Variants in SYN3 observed in about 807,000 individuals in gnomAD.
SYN3 encodes synapsin-3.
A neutral mutation model predicts 65.8 loss-of-function variants in SYN3; 35 were observed. That is an observed-to-expected ratio of 0.53 (90% CI 0.41 to 0.70). The LOEUF (loss-of-function observed/expected upper bound fraction) is 0.70. Among genes scored for constraint, SYN3 ranks in the 30% least tolerant of loss-of-function variants. The pLI is 0.00. For synonymous variants in SYN3, 270 were observed against 292.9 expected (o/e 0.92, Z 0.80); for missense variants, 680 against 749.0 (o/e 0.91, Z 1.08).
chr22:32,931,246 A>T, intron 4 of SYN3, 144 bp downstream of exon 4: 1 of 621,662 alleles, frequency 1.6e-6, no homozygotes, highest in Non-Finnish European at 3.0e-6. Context: ...TACTACTGCA[A>T]CCACACCTGG....
intron 6 of SYN3, among the ~76,000 whole-genome samples, chr22:32,643,503 A>T (rs2146898911): frequency 7.6e-6 from 1 of 130,798 alleles, no homozygotes; most frequent in Admixed American, 8.8e-5. Flanking sequence ...CCTTGAAATC[A>T]CTGTAAGAGA....
intron 4 of SYN3, among the ~76,000 whole-genome samples, chr22:32,898,322 C>T (rs891828276): frequency 7.2e-5 from 11 of 151,762 alleles, no homozygotes; most frequent in South Asian, 4.2e-4. Context: ...TTTGTAGAGA[C>T]GGGGTTTCAC....
intron 6 of SYN3, among the ~76,000 whole-genome samples, chr22:32,764,709 GC>G (rs1330365263): frequency 4.6e-5 from 7 of 152,242 alleles, no homozygotes; most frequent in African/African-American, 1.7e-4. Flanking sequence ...GGAATTAGGG[GC>G]ATTTAAAACT....
At chr22:32,576,109 C>G (rs145651569) in intron 7 of SYN3, among the ~76,000 whole-genome samples, 1 of 152,270 alleles carries the variant, frequency 6.6e-6, no homozygotes, top group East Asian at 1.9e-4. Context: ...AAGCAATGGC[C>G]TGAGTATGGT....
chr22:32,647,468 A>T (rs1395867280), intron 6 of SYN3, among the ~76,000 whole-genome samples: 2 of 140,520 alleles, frequency 1.4e-5, no homozygotes, highest in Non-Finnish European at 3.1e-5. Context: ...TTTTTTTGAG[A>T]CAGGGTCTCA....
chr22:32,848,164 A>C (rs1215879929), intron 6 of SYN3, among the ~76,000 whole-genome samples: 1 of 152,250 alleles, frequency 6.6e-6, no homozygotes, highest in East Asian at 1.9e-4. Flanking sequence ...AGAATCTAAA[A>C]GTCAAGTCCT....
At chr22:32,963,748 G>A (rs1471262755) in intron 3 of SYN3, among the ~76,000 whole-genome samples, 1 of 152,150 alleles carries the variant, frequency 6.6e-6, no homozygotes, top group Non-Finnish European at 1.5e-5. Flanking sequence ...GGGCCCTGGT[G>A]CTGCCTAAAG....
rs183659316 is a variant in SYN3 at position 32,597,489 on chromosome 22, T to G, written c.712-753A>C. Reference sequence around the variant, plus strand: ...CCTCTGCCTCCTGAAGTGCTGGGGTTACAGGTGTGAGCCACCGCGCCTGGC... The same window carrying G: ...CCTCTGCCTCCTGAAGTGCTGGGGTGACAGGTGTGAGCCACCGCGCCTGGC... On this transcript the variant is annotated intron_variant, in intron 6 of 13. Transcript: ENST00000358763. 5.0e-3 allele frequency among the ~76,000 whole-genome samples: 760 copies of G among 152,218 alleles called. 6 individuals carry two copies. The highest frequency in any genetic ancestry group is 0.017 in the African/African-American group (721 of 41,552).
chr22:32,990,403 T>TCCAGCCAG (rs747100410), intron 2 of SYN3, among the ~76,000 whole-genome samples: 2 of 86,538 alleles, frequency 2.3e-5, no homozygotes, highest in Non-Finnish European at 5.2e-5. Context: ...CATCCATCCA[T>TCCAGCCAG]CCAGCCATCC....
rs928373862 is a variant in SYN3, at chr22:32,542,831, T to C, written c.775-1118A>G. On this transcript the variant is annotated intron_variant, in intron 7 of 13. Coordinates refer to ENST00000358763, the MANE Select transcript of SYN3 (RefSeq NM_003490.4). Reference sequence around the variant, plus strand: ...AGAGGACGAGGCCAAGGCTCTATGATAGTGATCTTAAGACAGAACAGAGGC... The same window carrying C: ...AGAGGACGAGGCCAAGGCTCTATGACAGTGATCTTAAGACAGAACAGAGGC... 3.3e-5 allele frequency among the ~76,000 whole-genome samples: 5 copies of C among 151,806 alleles called. No individual in the cohort carries two copies. In the South Asian group the frequency reaches 6.2e-4, roughly 19 times the overall value.
chr22:32,585,886 G>T (rs193036689), intron 7 of SYN3, among the ~76,000 whole-genome samples: 1 of 148,354 alleles, frequency 6.7e-6, no homozygotes. Flanking sequence ...ACATATATAC[G>T]TATATATACG....
At chr22:32,948,592 C>T (rs578163948) in intron 3 of SYN3, among the ~76,000 whole-genome samples, 17 of 151,984 alleles carry the variant, frequency 1.1e-4, no homozygotes, top group Middle Eastern at 3.4e-3. Context: ...AAAAAATTAG[C>T]CGGGCGTGGT....
intron 4 of SYN3, among the ~76,000 whole-genome samples, chr22:32,869,989 C>A (rs1409181192): frequency 6.6e-6 from 1 of 151,972 alleles, no homozygotes; most frequent in Non-Finnish European, 1.5e-5. Context: ...ATCACAGGGC[C>A]CCAGGAGGAT....
chr22:32,838,035 G>C (rs1255769927), intron 6 of SYN3, among the ~76,000 whole-genome samples: 1 of 152,184 alleles, frequency 6.6e-6, no homozygotes, highest in Non-Finnish European at 1.5e-5. Flanking sequence ...GGCTGGCTGG[G>C]TGTGTCTGCT....
chr22:32,637,316 A>T (rs1459990323), intron 6 of SYN3, among the ~76,000 whole-genome samples: 2 of 152,204 alleles, frequency 1.3e-5, no homozygotes, highest in East Asian at 3.9e-4. Context: ...AACGAGGATG[A>T]TGACGGTCCC....
At chr22:32,760,619 G>A (rs7289956) in intron 6 of SYN3, among the ~76,000 whole-genome samples, 14,971 of 152,140 alleles carry the variant, frequency 0.098, 914 homozygotes, top group Admixed American at 0.16. Flanking sequence ...GCCTCCCACC[G>A]TCTACCCTAG....
intron 6 of SYN3, among the ~76,000 whole-genome samples, chr22:32,658,248 T>G (rs1390510461): frequency 6.6e-6 from 1 of 152,138 alleles, no homozygotes; most frequent in Non-Finnish European, 1.5e-5. Context: ...CAAAGGAAGG[T>G]GGTCGGTGAC....
At chr22:33,054,674 T>A (rs1233011772) in intron 1 of SYN3, among the ~76,000 whole-genome samples, 2 of 152,378 alleles carry the variant, frequency 1.3e-5, no homozygotes, top group Admixed American at 6.5e-5. Context: ...TGTAACCTTT[T>A]GTGTCTGGCT....
intron 3 of SYN3, among the ~76,000 whole-genome samples, chr22:32,960,422 T>C (rs1395798578): frequency 6.6e-6 from 1 of 151,982 alleles, no homozygotes; most frequent in African/African-American, 2.4e-5. Context: ...CCCCACAAAT[T>C]CACAATAAAA....
Sources: gnomAD v4.1 joint callset for allele counts (sites outside exome capture counted in the v4.1 genomes callset) on GRCh38, gnomAD v4.1.1 for gene constraint, MANE v1.5 for transcripts, NCBI Gene and HGNC (gene_info 2026-07-23, HGNC 2026-07-21) for gene names.